Variants in TAOK3 observed in about 807,000 individuals in gnomAD.
The protein encoded by TAOK3 is TAO kinase 3, also known as serine/threonine-protein kinase TAO3.
Under a neutral mutation model 120.4 loss-of-function variants are expected in TAOK3, and 40 were observed. That is an observed-to-expected ratio of 0.33 (90% CI 0.26 to 0.43). TAOK3 has a LOEUF of 0.43. TAOK3 is among the 20% of genes least tolerant of loss of function. TAOK3 has a pLI of 1.00. For missense variants in TAOK3, 821 were observed against 1,112.1 expected, an observed-to-expected ratio of 0.74 and a Z score of 3.72; for synonymous variants, 355 against 387.5, an observed-to-expected ratio of 0.92 and a Z score of 0.99.
chr12:118,170,498 A>G (rs1183862237), intron 17 of TAOK3, among the ~76,000 whole-genome samples: 1 of 152,194 alleles, frequency 6.6e-6, no homozygotes, highest in African/African-American at 2.4e-5. Context: ...GTGGTGGCTC[A>G]TGCCTGTAAT....
At chr12:118,365,660 A>T (rs1593714472) in intron 1 of TAOK3, among the ~76,000 whole-genome samples, 1 of 152,278 alleles carries the variant, frequency 6.6e-6, no homozygotes, top group South Asian at 2.1e-4. Flanking sequence ...TAATTCACTC[A>T]ATTCCCATTT....
chr12:118,177,416 C>A, intron 15 of TAOK3, 87 bp from the exon 16 acceptor site: 2 of 1,004,372 alleles, frequency 2.0e-6, no homozygotes, highest in South Asian at 1.8e-5. Context: ...GTAAGACAGT[C>A]CATGAGTGCT....
chr12:118,191,135 C>A (rs1241086641), intron 13 of TAOK3, among the ~76,000 whole-genome samples: 1 of 152,052 alleles, frequency 6.6e-6, no homozygotes, highest in African/African-American at 2.4e-5. Flanking sequence ...TTAGAAAATA[C>A]AAAATTTTAT....
chr12:118,159,311 ACT>A (rs1491337222), intron 19 of TAOK3, among the ~76,000 whole-genome samples: 2 of 98,462 alleles, frequency 2.0e-5, no homozygotes, highest in African/African-American at 7.4e-5. Context: ...CAAATCACTC[ACT>A]TTTTTTTTTT....
intron 17 of TAOK3, 150 bp downstream of exon 17, chr12:118,172,307 T>A (rs767897481): frequency 9.0e-6 from 7 of 776,856 alleles, no homozygotes; most frequent in Non-Finnish European, 1.2e-5. Flanking sequence ...ATTCCCTGAC[T>A]TTTTTTGTAT....
At chr12:118,197,299 T>A (rs1344945095) in intron 13 of TAOK3, among the ~76,000 whole-genome samples, 1 of 152,230 alleles carries the variant, frequency 6.6e-6, no homozygotes. Flanking sequence ...TCCTGACCTA[T>A]ATATTTTTTG....
intron 1 of TAOK3, among the ~76,000 whole-genome samples, chr12:118,330,815 A>C (rs1485998271): frequency 6.6e-6 from 1 of 152,008 alleles, no homozygotes; most frequent in East Asian, 1.9e-4. Flanking sequence ...TTAAAAAGGC[A>C]ATCTCAGTGA....
chr12:118,221,646 T>TC (rs1394057269), intron 9 of TAOK3, among the ~76,000 whole-genome samples: 2 of 150,418 alleles, frequency 1.3e-5, no homozygotes, highest in African/African-American at 4.9e-5. Context: ...TTTTTTTTTT[T>TC]TTTTTTGAGA....
intron 1 of TAOK3, among the ~76,000 whole-genome samples, chr12:118,280,076 T>G (rs1187944849): frequency 3.3e-5 from 5 of 151,214 alleles, no homozygotes; most frequent in African/African-American, 1.2e-4. Flanking sequence ...TTTTTTTTTT[T>G]TTTTTAGATG....
At chr12:118,350,607 C>T (rs1383045172) in intron 1 of TAOK3, among the ~76,000 whole-genome samples, 1 of 152,068 alleles carries the variant, frequency 6.6e-6, no homozygotes, top group African/African-American at 2.4e-5. Context: ...GCCTGTAATC[C>T]CAGCACTTTG....
intron 2 of TAOK3, among the ~76,000 whole-genome samples, chr12:118,265,394 G>GAAAA (rs35810306): frequency 6.1e-4 from 42 of 68,470 alleles, no homozygotes; most frequent in East Asian, 9.3e-4. Context: ...GTCTCAGGAA[G>GAAAA]AAAAAAAAAA....
chr12:118,319,391 T>C (rs1366490863), intron 1 of TAOK3, among the ~76,000 whole-genome samples: 4 of 152,128 alleles, frequency 2.6e-5, no homozygotes, highest in Non-Finnish European at 5.9e-5. Flanking sequence ...TTGCAAATCA[T>C]AAACCTGATA....
At position 118,371,900 on chromosome 12, in the gene TAOK3, C is replaced by T. The variant is rs1422631677; in HGVS notation, c.-194+748G>A. 6.6e-6 allele frequency among the ~76,000 whole-genome samples: 1 copy of T among 151,696 alleles called. No homozygotes were observed. The highest frequency in any genetic ancestry group is 1.5e-5 in the Non-Finnish European group (1 of 67,864). ...CCCTCTGGGGGTCCCCTCCTCTCAC[C>T]CCGCTGTCCTGGCCCCTCTCGGGGT... On this transcript the variant is annotated intron_variant, in intron 1 of 20. Coordinates refer to ENST00000392533, the MANE Select transcript of TAOK3 (RefSeq NM_016281.4). This position sits in a 1 kb window ranked among gnomAD's most constrained non-coding sequence, Gnocchi z 5.5.
chr12:118,361,561 G>A (rs1359336621), intron 1 of TAOK3, among the ~76,000 whole-genome samples: 5 of 146,458 alleles, frequency 3.4e-5, no homozygotes, highest in African/African-American at 2.7e-5. Flanking sequence ...GGGTTCAAGC[G>A]ATTCTCATGC....
intron 1 of TAOK3, among the ~76,000 whole-genome samples, chr12:118,363,112 A>G (rs2045650705): frequency 6.6e-6 from 1 of 151,972 alleles, no homozygotes; most frequent in Admixed American, 6.6e-5. Flanking sequence ...CACTTAAGGA[A>G]ATAAAATAAC....
intron 1 of TAOK3, among the ~76,000 whole-genome samples, chr12:118,299,841 T>C (rs1319584905): frequency 6.6e-6 from 1 of 152,124 alleles, no homozygotes; most frequent in Non-Finnish European, 1.5e-5. Flanking sequence ...TTTTTTAAAC[T>C]TTGAGTGTTT....
chr12:118,369,164 G>A (rs1188434124), intron 1 of TAOK3, among the ~76,000 whole-genome samples: 1 of 152,036 alleles, frequency 6.6e-6, no homozygotes, highest in Non-Finnish European at 1.5e-5. Context: ...CTCCAACCTG[G>A]GTGACAGAGC....
intron 1 of TAOK3, among the ~76,000 whole-genome samples, chr12:118,345,246 GATTAA>G (rs1358355122): frequency 1.3e-5 from 2 of 152,148 alleles, no homozygotes; most frequent in Non-Finnish European, 1.5e-5. Flanking sequence ...AAGTAGAATA[GATTAA>G]ATTAAGGAGG....
At chr12:118,171,845 C>CT (rs1430299849) in intron 17 of TAOK3, among the ~76,000 whole-genome samples, 1 of 152,210 alleles carries the variant, frequency 6.6e-6, no homozygotes, top group Non-Finnish European at 1.5e-5. Flanking sequence ...TCACACTCAT[C>CT]TTTTCATCAA....
Sources: allele counts gnomAD v4.1 joint callset (sites outside exome capture counted in the v4.1 genomes callset), GRCh38; gene constraint gnomAD v4.1.1; non-coding constraint Gnocchi (gnomAD v3.1); transcripts MANE v1.5; gene names NCBI Gene and HGNC (gene_info 2026-07-23, HGNC 2026-07-21).